The following CSMD2 variants were observed in gnomAD, a reference collection of about 807,000 sequenced individuals.
The protein encoded by CSMD2 is CUB and sushi domain-containing protein 2.
Under a neutral mutation model 398.5 loss-of-function variants are expected in CSMD2, and 130 were observed. That is an observed-to-expected ratio of 0.33 (90% CI 0.28 to 0.38). The LOEUF (loss-of-function observed/expected upper bound fraction) is 0.38, where lower values mean the gene tolerates loss of function less well. Ranked by LOEUF, CSMD2 falls within the 10% of genes least tolerant of loss-of-function variation. The probability of loss-of-function intolerance (pLI) is 1.00; values close to 1 mark genes in which losing one functional copy is unlikely to be tolerated. For synonymous variants in CSMD2, 1,828 were observed against 1,908.5 expected (o/e 0.96, Z 1.10); for missense variants, 3,829 against 4,764.9 (o/e 0.80, Z 5.78).
intron 25 of CSMD2, among the ~76,000 whole-genome samples, chr1:33,668,111 G>A (rs1644374007): frequency 6.6e-6 from 1 of 152,154 alleles, no homozygotes; most frequent in Admixed American, 6.5e-5. Context: ...GGAGGGGTGA[G>A]AGGTGGGAGG....
chr1:33,972,717 G>A (rs1019226480), intron 3 of CSMD2, among the ~76,000 whole-genome samples: 13 of 152,178 alleles, frequency 8.5e-5, no homozygotes, highest in African/African-American at 2.9e-4. Context: ...CACCTTGACT[G>A]TAGCTCAGTG....
intron 43 of CSMD2, among the ~76,000 whole-genome samples, chr1:33,601,303 T>C (rs1184308386): frequency 6.6e-6 from 1 of 152,172 alleles, no homozygotes; most frequent in Non-Finnish European, 1.5e-5. Context: ...GTGTGGGTCT[T>C]ACCACAGGTC....
chr1:33,738,665 A>G (rs78912528), intron 15 of CSMD2, among the ~76,000 whole-genome samples: 3 of 152,130 alleles, frequency 2.0e-5, no homozygotes, highest in African/African-American at 7.2e-5. Context: ...ACAAGGATAT[A>G]AAGTCAGCAT....
chr1:34,020,944 C>T (rs1648793829), intron 3 of CSMD2, among the ~76,000 whole-genome samples: 3 of 152,144 alleles, frequency 2.0e-5, no homozygotes, highest in South Asian at 4.2e-4. Context: ...TATCATGTAA[C>T]GGCATCCACA....
intron 6 of CSMD2, among the ~76,000 whole-genome samples, chr1:33,833,448 A>G (rs1372149563): frequency 1.3e-5 from 2 of 151,118 alleles, no homozygotes; most frequent in African/African-American, 4.9e-5. Context: ...ACAAAATTCA[A>G]CAACCCTTCA....
At chr1:33,575,516 C>T (rs1273679869) in intron 49 of CSMD2, among the ~76,000 whole-genome samples, 4 of 151,968 alleles carry the variant, frequency 2.6e-5, no homozygotes, top group Non-Finnish European at 5.9e-5. Flanking sequence ...TTCCAGAGAA[C>T]ACAGTGGGAG....
At chr1:33,637,962 C>A (rs1642902657) in intron 29 of CSMD2, among the ~76,000 whole-genome samples, 1 of 152,290 alleles carries the variant, frequency 6.6e-6, no homozygotes, top group Admixed American at 6.5e-5. Context: ...CTACTTGAGG[C>A]TGTCACTCAG....
chr1:33,598,356 C>A (rs1639975157), intron 44 of CSMD2, among the ~76,000 whole-genome samples: 1 of 152,220 alleles, frequency 6.6e-6, no homozygotes, highest in Non-Finnish European at 1.5e-5. Flanking sequence ...GCCTGCCGAT[C>A]TGGGCACAGC....
chr1:33,602,451 T>C lies in CSMD2; in HGVS notation c.6628A>G (p.Ile2210Val). The C allele has an allele frequency of 6.2e-7, 1 of 1,613,858 alleles. No homozygotes were observed. The highest frequency in any genetic ancestry group is 8.5e-7 in the Non-Finnish European group (1 of 1,179,964). The change falls in exon 43 of 71, where the codon ATC (isoleucine) becomes GTC (valine). Residue 2210 changes from isoleucine (I) to valine (V), a missense_variant. Physicochemically the swap from Ile to Val is conservative, Grantham distance 29 (BLOSUM62 3). Around this residue, in one of 5 missense-constraint regions of CSMD2, gnomAD observed 723 missense variants for 758.6 expected, o/e 0.95. Coordinates refer to ENST00000373381, the MANE Select transcript of CSMD2 (RefSeq NM_001281956.2). Reference sequence around the variant, plus strand: ...ACGCCATGGCCAATGGGCACGGTGATCAGCCAGACACAGTCCTGGGAGCTG... The same window carrying C: ...ACGCCATGGCCAATGGGCACGGTGACCAGCCAGACACAGTCCTGGGAGCTG... ...YSSSQDCVWL[I>V]TVPIGHGVRL...
chr1:34,006,361 G>C (rs1411274993), intron 3 of CSMD2, among the ~76,000 whole-genome samples: 2 of 152,042 alleles, frequency 1.3e-5, no homozygotes, highest in Non-Finnish European at 2.9e-5. Flanking sequence ...TATTATTCCA[G>C]GAGCTTCAAC....
chr1:34,115,080 T>C (rs1025813339), intron 1 of CSMD2, among the ~76,000 whole-genome samples: 2 of 151,142 alleles, frequency 1.3e-5, no homozygotes, highest in African/African-American at 4.9e-5. Context: ...TGAACAAAAG[T>C]GAATAAAGCC....
At chr1:33,988,953 A>C (rs1055544700) in intron 3 of CSMD2, among the ~76,000 whole-genome samples, 1 of 146,810 alleles carries the variant, frequency 6.8e-6, no homozygotes, top group African/African-American at 2.5e-5. Context: ...TAACACTTCC[A>C]GAAGAAAACA....
At chr1:33,709,299 A>G (rs1283522489) in intron 21 of CSMD2, 41 bp from the exon 22 acceptor site, 1 of 1,559,572 alleles carries the variant, frequency 6.4e-7, no homozygotes, top group Admixed American at 1.8e-5. Flanking sequence ...AACCCCCATC[A>G]GCTGCATCCA....
At chr1:33,732,474 C>A (rs558136257) in intron 15 of CSMD2, among the ~76,000 whole-genome samples, 2 of 152,270 alleles carry the variant, frequency 1.3e-5, no homozygotes, top group South Asian at 4.1e-4. Context: ...AAGAGGAAGA[C>A]ACCAGGGGTG....
At chr1:33,714,273 G>T (rs968411948) in intron 21 of CSMD2, among the ~76,000 whole-genome samples, 3 of 152,232 alleles carry the variant, frequency 2.0e-5, no homozygotes, top group African/African-American at 7.2e-5. Flanking sequence ...ATGGGTCTGT[G>T]TGCTGAGGGT....
intron 7 of CSMD2, among the ~76,000 whole-genome samples, chr1:33,825,140 G>A (rs938204605): frequency 6.3e-5 from 7 of 110,498 alleles, no homozygotes; most frequent in African/African-American, 3.1e-4. Context: ...TCCTCCCCAT[G>A]CCCAAGAAGA....
At chr1:33,933,019 C>T (rs1448960406) in intron 4 of CSMD2, among the ~76,000 whole-genome samples, 2 of 152,106 alleles carry the variant, frequency 1.3e-5, no homozygotes, top group Admixed American at 6.5e-5. Context: ...AGAAGCTTCC[C>T]GGGAGGAGGG....
chr1:33,662,573 T>C (rs1412491006), intron 26 of CSMD2, among the ~76,000 whole-genome samples: 2 of 152,246 alleles, frequency 1.3e-5, no homozygotes, highest in Admixed American at 6.5e-5. Context: ...TAACTTCTAC[T>C]TGTCCGTTGG....
chr1:33,896,230 G>A (rs10799005), intron 5 of CSMD2, among the ~76,000 whole-genome samples: 104,984 of 151,704 alleles, frequency 0.69, 36,510 homozygotes, highest in East Asian at 0.84. Flanking sequence ...TGGCAGAGGG[G>A]GTAGGAGGGT....
Sources: allele counts gnomAD v4.1 joint callset (sites outside exome capture counted in the v4.1 genomes callset), GRCh38; gene constraint gnomAD v4.1.1; regional missense constraint gnomAD v4.1.1; transcripts MANE v1.5; gene names NCBI Gene and HGNC (gene_info 2026-07-23, HGNC 2026-07-21).